The following GALNT12 variants were observed in gnomAD, a reference collection of about 807,000 sequenced individuals.
The protein encoded by GALNT12 is polypeptide N-acetylgalactosaminyltransferase 12, also known as UDP-GalNAc:polypeptide N-acetylgalactosaminyltransferase 12.
Under a neutral mutation model 55.5 loss-of-function variants are expected in GALNT12, and 45 were observed. The ratio of observed to expected loss-of-function variants is 0.81; its 90% confidence interval spans 0.64 to 1.04. The LOEUF (loss-of-function observed/expected upper bound fraction) is 1.04. Ranked by LOEUF, GALNT12 falls within the 50% of genes least tolerant of loss-of-function variation. The pLI is 0.00. For missense variants in GALNT12, 709 were observed against 754.8 expected, an observed-to-expected ratio of 0.94 and a Z score of 0.71; for synonymous variants, 304 against 312.2, an observed-to-expected ratio of 0.97 and a Z score of 0.28.
At chr9:98,821,550 G>A (rs1305890179) in intron 1 of GALNT12, among the ~76,000 whole-genome samples, 2 of 147,174 alleles carry the variant, frequency 1.4e-5, no homozygotes, top group Admixed American at 6.9e-5. Context: ...GCATGAACCC[G>A]GGAGGCAGAG....
Position 98,849,919 on chromosome 9 carries a change from A to G in GALNT12, c.*827A>G, listed in dbSNP as rs76666042. 1.1e-3 allele frequency: 283 copies of G among 246,420 alleles called. 5 individuals are homozygous for G. The East Asian group carries it at 0.017, about 15-fold the overall frequency. The allele number at this position is 246,420 out of a possible 1,614,324, so 15.3% of individuals were successfully genotyped here. ...ATTCCTTTTTCAAGTTTGTTCATTAATAACAGTTATTAATTTAAATCAGCG... is the reference window on the plus strand; with the variant it reads ...ATTCCTTTTTCAAGTTTGTTCATTAGTAACAGTTATTAATTTAAATCAGCG... On this transcript the variant is annotated 3_prime_UTR_variant, in exon 10 of 10. Coordinates refer to ENST00000375011, the MANE Select transcript of GALNT12 (RefSeq NM_024642.5).
In GALNT12 at chr9:98,807,888, G is replaced by T; in HGVS notation, c.190G>T (p.Val64Phe). ...RTPRPGRREP[V>F]MPRPPVPANA... ...CCCGCGCCCCGGGCGGCGCGAGCCGGTCATGCCGCGGCCGCCGGTGCCGGC... is the reference window on the plus strand; with the variant it reads ...CCCGCGCCCCGGGCGGCGCGAGCCGTTCATGCCGCGGCCGCCGGTGCCGGC... Residue 64 changes from valine (V) to phenylalanine (F), a missense_variant, in exon 1 of 10, where the codon GTC (valine) becomes TTC (phenylalanine). Val to Phe is a conservative substitution (Grantham distance 50). Around this residue, in one of 5 missense-constraint regions of GALNT12, gnomAD observed 110 missense variants for 102.2 expected, o/e 1.08. Coordinates refer to ENST00000375011, the MANE Select transcript of GALNT12 (RefSeq NM_024642.5). 2.7e-6 allele frequency: 3 copies of T among 1,119,052 alleles called. No homozygotes were observed. Among genetic ancestry groups the T allele is most frequent in the Non-Finnish European group, 3.3e-6 (3 of 916,400 alleles). 69.3% of individuals were successfully genotyped at this position (1,119,052 alleles called of 1,614,324 possible). A position where few individuals can be genotyped will look rare whatever the true frequency, so the allele number is the denominator to read the frequency against.
intron 1 of GALNT12, among the ~76,000 whole-genome samples, chr9:98,816,509 C>G (rs916057605): frequency 1.3e-5 from 2 of 152,204 alleles, no homozygotes; most frequent in South Asian, 2.1e-4. Flanking sequence ...CTTTGAAAAC[C>G]TCACTTCACC....
At chr9:98,832,277 T>A (rs1414841901) in intron 4 of GALNT12, among the ~76,000 whole-genome samples, 3 of 152,174 alleles carry the variant, frequency 2.0e-5, no homozygotes, top group African/African-American at 7.2e-5. Flanking sequence ...CCCAGTACTT[T>A]GGGAAGCCAA....
At chr9:98,848,119 A>T (rs1373773185) in intron 9 of GALNT12, among the ~76,000 whole-genome samples, 7 of 151,934 alleles carry the variant, frequency 4.6e-5, no homozygotes, top group Non-Finnish European at 1.0e-4. Context: ...CCAGCCTTGT[A>T]TTTTCTTATG....
At chr9:98,826,264 C>A (rs371593439) in intron 2 of GALNT12, among the ~76,000 whole-genome samples, 1 of 152,170 alleles carries the variant, frequency 6.6e-6, no homozygotes, top group East Asian at 1.9e-4. Context: ...CTTGGCACAG[C>A]AAGTCCTCTT....
intron 4 of GALNT12, among the ~76,000 whole-genome samples, chr9:98,832,509 C>A (rs1020422289): frequency 1.3e-5 from 2 of 152,116 alleles, no homozygotes; most frequent in Non-Finnish European, 2.9e-5. Flanking sequence ...TAGAGTGACA[C>A]CCTGTCTCTA....
Position 98,808,052 on chromosome 9 carries a change from C to A in GALNT12, c.354C>A (p.Pro118=), listed in dbSNP as rs538612614. Residue 118 remains proline (P), a synonymous_variant, in exon 1 of 10, where the codon CCC becomes CCA. Transcript: ENST00000375011. ...SDRISLHRRL[P]ERWNPLCKEK... is the part of the protein sequence containing the mutation. ...GCATCTCACTGCACCGCCGCCTGCC[C>A]GAGCGCTGGAACCCGCTGTGAGTGC... 1 of 1,581,258 alleles carries A rather than the reference C, an allele frequency of 6.3e-7. No homozygotes were observed.
intron 9 of GALNT12, chr9:98,847,336 CCA>C (rs1395063575): frequency 6.6e-6 from 1 of 152,138 alleles, no homozygotes; most frequent in Non-Finnish European, 1.5e-5. Flanking sequence ...CCCAGAAAAG[CCA>C]CACACCATGG....
At chr9:98,818,008 A>T (rs978419199) in intron 1 of GALNT12, among the ~76,000 whole-genome samples, 1 of 152,136 alleles carries the variant, frequency 6.6e-6, no homozygotes, top group East Asian at 1.9e-4. Context: ...AGATCCACCC[A>T]TTATTGTTTT....
chr9:98,821,624 C>CAAAAAAAAAA (rs11467276), intron 1 of GALNT12, among the ~76,000 whole-genome samples: 9 of 112,024 alleles, frequency 8.0e-5, no homozygotes, highest in East Asian at 3.1e-4. Context: ...GACTCCATCT[C>CAAAAAAAAAA]AAAAAAAAAA....
chr9:98,807,677 G>T lies in GALNT12; in HGVS notation c.-22G>T. ...ACCGCCGCCTTGGGGCGCGCAGATC[G>T]CTGGCTGCAGTTGGCGGGCGCATGT... On this transcript the variant is annotated 5_prime_UTR_variant, in exon 1 of 10. Transcript: ENST00000375011. 2 of 1,115,108 alleles carry T rather than the reference G, an allele frequency of 1.8e-6. 1 individual carries two copies. Among genetic ancestry groups the T allele is most frequent in the Non-Finnish European group, 2.2e-6 (2 of 915,430 alleles). 69.1% of individuals were successfully genotyped at this position (1,115,108 alleles called of 1,614,324 possible).
Position 98,840,010 on chromosome 9 carries a change from TG to T in GALNT12, c.1225del (p.Asp409MetfsTer2), listed in dbSNP as rs761429951. The T allele has an allele frequency of 1.2e-6, 2 of 1,614,088 alleles. No individual in the cohort carries two copies. Among genetic ancestry groups the T allele is most frequent in the Non-Finnish European group, 1.7e-6 (2 of 1,179,982 alleles). ...TTTTGTTGTTTTCTCAGGAACCTTT[TG>T]GGGATGTGACAGAGAGGAAGCAGCT... ...RNPRARLEPF[G>X]DVTERKQLRD... On this transcript the variant is annotated frameshift_variant, in exon 7 of 10. Coordinates refer to ENST00000375011, the MANE Select transcript of GALNT12 (RefSeq NM_024642.5). LOFTEE classifies it high-confidence loss of function.
intron 1 of GALNT12, among the ~76,000 whole-genome samples, chr9:98,819,962 G>T (rs540257738): frequency 1.8e-4 from 28 of 152,298 alleles, no homozygotes; most frequent in African/African-American, 6.5e-4. Flanking sequence ...GGTTTTGAAG[G>T]TAAAATGAAG....
intron 9 of GALNT12, among the ~76,000 whole-genome samples, chr9:98,848,370 T>C (rs1326868684): frequency 1.3e-5 from 2 of 152,122 alleles, no homozygotes; most frequent in Non-Finnish European, 2.9e-5. Flanking sequence ...GCTGAGATAA[T>C]TGAGCAAGGG....
intron 3 of GALNT12, among the ~76,000 whole-genome samples, chr9:98,830,329 G>A (rs1384415223): frequency 1.3e-5 from 2 of 152,164 alleles, no homozygotes; most frequent in African/African-American, 4.8e-5. Flanking sequence ...GGGTATTCTT[G>A]GTTGTCATGT....
intron 2 of GALNT12, among the ~76,000 whole-genome samples, chr9:98,826,382 G>T (rs1333718185): frequency 6.6e-6 from 1 of 152,116 alleles, no homozygotes. Context: ...CGATTAGATG[G>T]TTCACGTGTT....
Position 98,823,394 on chromosome 9 carries a change from A to T in GALNT12, c.510A>T (p.Glu170Asp). The T allele has an allele frequency of 1.2e-6, 2 of 1,614,228 alleles. No homozygotes were observed. ...CATCCCCGGATATCCTGCTAGAAGA[A>T]GTGATCCTTGTAGATGACTACAGTG... ...LETSPDILLEEVILVDDYSDR... is the reference protein window; with the variant it reads ...LETSPDILLEDVILVDDYSDR... The change falls in exon 2 of 10, where the codon GAA (glutamate) becomes GAT (aspartate). Residue 170 changes from glutamate to aspartate, a missense_variant. By Grantham distance (45) the Glu-to-Asp change is conservative. This residue lies in a region of GALNT12 where 315 missense variants were observed against 288.6 expected (regional missense o/e 1.09). Transcript: ENST00000375011.
intron 3 of GALNT12, among the ~76,000 whole-genome samples, chr9:98,828,816 A>G (rs1835921214): frequency 6.6e-6 from 1 of 152,016 alleles, no homozygotes; most frequent in Admixed American, 6.6e-5. Context: ...TGTTACTAAT[A>G]ATCCACTCAT....
Sources: gnomAD v4.1 joint callset for allele counts (sites outside exome capture counted in the v4.1 genomes callset) on GRCh38, gnomAD v4.1.1 for gene constraint, gnomAD v4.1.1 regional missense constraint, MANE v1.5 for transcripts, NCBI Gene and HGNC (gene_info 2026-07-23, HGNC 2026-07-21) for gene names.